The following PAX3 variants were observed in gnomAD, a reference collection of about 807,000 sequenced individuals.
The protein encoded by PAX3 is paired box 3.
In PAX3, 14 loss-of-function variants were observed where a neutral mutation model predicts 51.6. That is an observed-to-expected ratio of 0.27 (90% CI 0.18 to 0.42). The LOEUF is 0.42. Ranked by LOEUF, PAX3 falls within the 10% of genes least tolerant of loss-of-function variation. The pLI is 1.00. For missense variants in PAX3, 540 were observed against 642.8 expected (o/e 0.84, Z 1.73); for synonymous variants, 280 against 253.4 (o/e 1.11, Z -1.00).
At chr2:222,245,270 G>A (rs966441714) in intron 4 of PAX3, among the ~76,000 whole-genome samples, 1 of 152,204 alleles carries the variant, frequency 6.6e-6, no homozygotes, top group African/African-American at 2.4e-5. Flanking sequence ...CAGGCAACCA[G>A]CCTAAAAGAA....
intron 4 of PAX3, among the ~76,000 whole-genome samples, chr2:222,255,196 T>G (rs12619478): frequency 0.12 from 17,662 of 152,240 alleles, 1,255 homozygotes; most frequent in East Asian, 0.32. Flanking sequence ...GTGGGGAAGA[T>G]AATGTGCAGC....
Position 222,200,838 on chromosome 2 carries a change from C to T in PAX3, c.*570G>A. The T allele has an allele frequency of 2.7e-6, 1 of 372,074 alleles. No homozygotes were observed. The highest frequency in any genetic ancestry group is 4.0e-5 in the South Asian group (1 of 24,960). 23.0% of individuals were successfully genotyped at this position (372,074 alleles called of 1,614,324 possible). A position where few individuals can be genotyped will look rare whatever the true frequency, so the allele number is the denominator to read the frequency against. On this transcript the variant is annotated 3_prime_UTR_variant, in exon 9 of 9. Transcript: ENST00000392070. ...GGTCCTTTACAGCTAGTCTAGCTTC[C>T]TAAAAATGGTTGCATTTATCTTTAT...
intron 4 of PAX3, among the ~76,000 whole-genome samples, chr2:222,258,409 G>A (rs57671126): frequency 0.096 from 14,575 of 151,810 alleles, 923 homozygotes; most frequent in East Asian, 0.33. Context: ...ATAATACTTA[G>A]TAAACCTAAT....
intron 5 of PAX3, among the ~76,000 whole-genome samples, chr2:222,222,064 G>A (rs920953527): frequency 6.6e-6 from 1 of 151,906 alleles, no homozygotes; most frequent in African/African-American, 2.4e-5. Context: ...CCTAGAACAC[G>A]CTGTGTCAAG....
In PAX3 at chr2:222,202,214, A is replaced by T. The variant is rs1033588092; in HGVS notation, c.1174-24T>A. On this transcript the variant is annotated intron_variant, in intron 7 of 8. Transcript: ENST00000392070. Reference sequence around the variant, plus strand: ...ACCTAAAAAAACAGCCAGATTGGGAAGAGGTTAAAATGCAGAGAGATCCAG... The same window carrying T: ...ACCTAAAAAAACAGCCAGATTGGGATGAGGTTAAAATGCAGAGAGATCCAG... The T allele has an allele frequency of 1.7e-5, 25 of 1,510,382 alleles. 1 individual carries two copies. Among genetic ancestry groups the T allele is most frequent in the Non-Finnish European group, 5.4e-6 (6 of 1,102,936 alleles). 93.6% of individuals were successfully genotyped at this position (1,510,382 alleles called of 1,614,324 possible). A position where few individuals can be genotyped will look rare whatever the true frequency, so the allele number is the denominator to read the frequency against.
At chr2:222,233,079 C>CAAAA (rs71053063) in intron 4 of PAX3, 3 of 67,964 alleles carry the variant, frequency 4.4e-5, no homozygotes, top group African/African-American at 9.6e-5. Context: ...AAAGCCAATG[C>CAAAA]AAAAAAAAAA....
chr2:222,245,439 A>G (rs573590402), intron 4 of PAX3, among the ~76,000 whole-genome samples: 2 of 152,354 alleles, frequency 1.3e-5, no homozygotes, highest in South Asian at 4.1e-4. Context: ...CATTTTTATT[A>G]GTGTCCACAA....
intron 5 of PAX3, among the ~76,000 whole-genome samples, chr2:222,224,779 T>A (rs1032590782): frequency 1.8e-4 from 27 of 152,342 alleles, no homozygotes; most frequent in Middle Eastern, 3.4e-3. Flanking sequence ...TGTGTGAGTG[T>A]ATAACACTGA....
rs548063597 is a variant in PAX3 at position 222,201,539 on chromosome 2, G to A, written c.1421-97C>T. 5.0e-5 allele frequency: 75 copies of A among 1,497,536 alleles called. 1 individual carries two copies. The highest frequency in any genetic ancestry group is 1.8e-4 in the Middle Eastern group (1 of 5,550). 92.8% of individuals were successfully genotyped at this position (1,497,536 alleles called of 1,614,324 possible). A position where few individuals can be genotyped will look rare whatever the true frequency, so the allele number is the denominator to read the frequency against. ...GGCTGACAATGTCATATTTAATACC[G>A]TGCTATCAAAGGCTTGAGACTAATA... On this transcript the variant is annotated intron_variant, in intron 8 of 8. Transcript: ENST00000392070.
chr2:222,245,380 A>T (rs1693186003), intron 4 of PAX3, among the ~76,000 whole-genome samples: 1 of 152,222 alleles, frequency 6.6e-6, no homozygotes, highest in Non-Finnish European at 1.5e-5. Flanking sequence ...ACTGATATGG[A>T]TCTGCACAGG....
chr2:222,265,929 C>T (rs577119238), intron 4 of PAX3, among the ~76,000 whole-genome samples: 18 of 152,202 alleles, frequency 1.2e-4, no homozygotes, highest in Non-Finnish European at 1.5e-5. Flanking sequence ...CTGCCAGAAT[C>T]TGGCTCAGGG....
At chr2:222,264,066 G>T (rs1693958288) in intron 4 of PAX3, 1 of 152,270 alleles carries the variant, frequency 6.6e-6, no homozygotes, top group Non-Finnish European at 1.5e-5. Flanking sequence ...GCATAAATTA[G>T]CATGTGTTAA....
At chr2:222,266,444 G>A (rs1208100788) in intron 4 of PAX3, among the ~76,000 whole-genome samples, 1 of 151,738 alleles carries the variant, frequency 6.6e-6, no homozygotes, top group African/African-American at 2.4e-5. Flanking sequence ...GCTACCAGCT[G>A]CAGAGTCACT....
chr2:222,271,440 T>A (rs577046913), intron 4 of PAX3, among the ~76,000 whole-genome samples: 1 of 152,296 alleles, frequency 6.6e-6, no homozygotes, highest in East Asian at 1.9e-4. Flanking sequence ...AACATAGTAA[T>A]AATGGTGATG....
At chr2:222,265,365 TGGAG>T (rs1694005631) in intron 4 of PAX3, among the ~76,000 whole-genome samples, 2 of 152,210 alleles carry the variant, frequency 1.3e-5, no homozygotes, top group Non-Finnish European at 2.9e-5. Context: ...CCTTAATACT[TGGAG>T]CAAGATTTTT....
intron 7 of PAX3, among the ~76,000 whole-genome samples, chr2:222,208,013 A>G (rs1457827467): frequency 6.6e-6 from 1 of 151,492 alleles, no homozygotes; most frequent in African/African-American, 2.4e-5. Context: ...GTATATATAT[A>G]TATATATAAC....
intron 4 of PAX3, among the ~76,000 whole-genome samples, chr2:222,257,186 C>T (rs895133907): frequency 1.0e-4 from 15 of 148,444 alleles, no homozygotes; most frequent in African/African-American, 2.2e-4. Context: ...AGTAAACATC[C>T]GCTGCATAAA....
chr2:222,295,587 C>G lies in PAX3; in HGVS notation c.392G>C (p.Trp131Ser), dbSNP rs570065301. 6.2e-7 allele frequency: 1 copy of G among 1,614,220 alleles called. No homozygotes were observed. The highest frequency in any genetic ancestry group is 1.7e-5 in the Admixed American group (1 of 60,030). ...CTTGAGTAATTTGTCTCGGATTTCC[C>G]AGCTGAACATGCCCGGGTTCTCTCT... ...YKRENPGMFS[W>S]EIRDKLLKDA... Residue 131 changes from tryptophan (W) to serine (S), a missense_variant, in exon 3 of 9, where the codon TGG becomes TCG. By Grantham distance (177) the Trp-to-Ser change is radical. Coordinates refer to ENST00000392070, the MANE Select transcript of PAX3 (RefSeq NM_181458.4).
intron 1 of PAX3, chr2:222,298,315 G>A: frequency 3.4e-6 from 2 of 588,900 alleles, no homozygotes; most frequent in Non-Finnish European, 6.1e-6. Flanking sequence ...AGGCCTGACC[G>A]CCCAGCTCCG....
Sources: allele counts gnomAD v4.1 joint callset (sites outside exome capture counted in the v4.1 genomes callset), GRCh38; gene constraint gnomAD v4.1.1; transcripts MANE v1.5; gene names NCBI Gene and HGNC (gene_info 2026-07-23, HGNC 2026-07-21).